WDR49: variants seen among roughly 807,000 people sequenced by gnomAD.
WDR49 encodes WD repeat domain 49.
WDR49 carries 107 observed loss-of-function variants against 119.5 expected under a neutral mutation model. The ratio of observed to expected loss-of-function variants is 0.90; its 90% confidence interval spans 0.77 to 1.05. WDR49 has a LOEUF of 1.05. Among genes scored for constraint, WDR49 ranks in the 50% least tolerant of loss-of-function variants. The pLI, the probability that WDR49 is intolerant of heterozygous loss-of-function variation, is 0.00. For synonymous variants in WDR49, 425 were observed against 418.8 expected (o/e 1.01, Z -0.18); for missense variants, 1,240 against 1,220.5 (o/e 1.02, Z -0.24).
chr3:167,568,249 T>A (rs996163801), intron 8 of WDR49, among the ~76,000 whole-genome samples: 4 of 152,240 alleles, frequency 2.6e-5, no homozygotes, highest in African/African-American at 9.6e-5. Flanking sequence ...CCTCCTGTTA[T>A]TTTGGTATTT....
At chr3:167,489,088 T>TA (rs1483315542) in intron 18 of WDR49, among the ~76,000 whole-genome samples, 1 of 152,080 alleles carries the variant, frequency 6.6e-6, no homozygotes. Flanking sequence ...TCTCCAAACT[T>TA]ATCATCTTTA....
intron 5 of WDR49, among the ~76,000 whole-genome samples, chr3:167,610,644 C>T (rs1716296677): frequency 6.6e-6 from 1 of 152,230 alleles, no homozygotes; most frequent in East Asian, 1.9e-4. Context: ...ACAGGCCTGG[C>T]TGGATTTGCC....
At chr3:167,513,288 G>A (rs1468931523) in intron 16 of WDR49, among the ~76,000 whole-genome samples, 1 of 152,104 alleles carries the variant, frequency 6.6e-6, no homozygotes, top group African/African-American at 2.4e-5. Context: ...AAGAGATTGG[G>A]GGGAGGGGGC....
intron 7 of WDR49, among the ~76,000 whole-genome samples, chr3:167,580,376 C>T (rs1253346767): frequency 6.6e-6 from 1 of 152,124 alleles, no homozygotes; most frequent in African/African-American, 2.4e-5. Context: ...ATTTTCCCTG[C>T]CAGTGGTTCT....
intron 7 of WDR49, among the ~76,000 whole-genome samples, chr3:167,587,574 C>T (rs1714884771): frequency 6.6e-6 from 1 of 152,178 alleles, no homozygotes; most frequent in Admixed American, 6.5e-5. Flanking sequence ...CAGCCTCAGC[C>T]TACCAGGCTT....
chr3:167,630,363 A>G (rs922246563), intron 2 of WDR49, among the ~76,000 whole-genome samples: 1 of 152,136 alleles, frequency 6.6e-6, no homozygotes, highest in South Asian at 2.1e-4. Flanking sequence ...GATATGTGCT[A>G]TTGGACATTT....
intron 18 of WDR49, among the ~76,000 whole-genome samples, chr3:167,494,241 G>C (rs1383912466): frequency 6.6e-6 from 1 of 152,158 alleles, no homozygotes; most frequent in Non-Finnish European, 1.5e-5. Context: ...AGAAGGCGAA[G>C]TGATGATTCA....
intron 8 of WDR49, among the ~76,000 whole-genome samples, chr3:167,564,738 A>G (rs1034549916): frequency 6.6e-6 from 1 of 152,184 alleles, no homozygotes; most frequent in African/African-American, 2.4e-5. Flanking sequence ...ATAACTGTTT[A>G]GGAATATGTG....
intron 10 of WDR49, among the ~76,000 whole-genome samples, chr3:167,540,899 T>C (rs1042225651): frequency 6.6e-6 from 1 of 151,748 alleles, no homozygotes; most frequent in African/African-American, 2.4e-5. Context: ...CTTAAAGATA[T>C]AGAAAATGCA....
rs367641178 is a variant in WDR49 at position 167,598,089 on chromosome 3, G to A, written c.1275+4038C>T. 4.6e-5 allele frequency among the ~76,000 whole-genome samples: 7 copies of A among 152,102 alleles called. No individual in the cohort carries two copies. The East Asian group carries it at 5.8e-4, about 13-fold the overall frequency. On this transcript the variant is annotated intron_variant, in intron 7 of 18. Transcript: ENST00000682715. The stretch of plus-strand genomic sequence containing the variant: ...TGGGAGGCTGAGGTGGGCAGATCAC[G>A]AGGACAGGAGATCGAGACCATCTTG...
At chr3:167,652,889 T>G (rs1458234482) in intron 2 of WDR49, among the ~76,000 whole-genome samples, 3 of 152,176 alleles carry the variant, frequency 2.0e-5, no homozygotes, top group African/African-American at 7.2e-5. Context: ...CCGTATTAAA[T>G]GCAAGAACAA....
chr3:167,562,550 C>T (rs1322389865), intron 8 of WDR49, among the ~76,000 whole-genome samples: 1 of 152,162 alleles, frequency 6.6e-6, no homozygotes, highest in African/African-American at 2.4e-5. Context: ...TATTGAATTA[C>T]CATTGTGAAA....
chr3:167,620,733 T>C, intron 4 of WDR49, 130 bp from the exon 5 acceptor site: 1 of 894,946 alleles, frequency 1.1e-6, no homozygotes, highest in Middle Eastern at 2.3e-4. Context: ...ATTTAAAGGA[T>C]GCAGGGTGTT....
At chr3:167,649,797 T>C (rs1350040551) in intron 2 of WDR49, among the ~76,000 whole-genome samples, 1 of 152,200 alleles carries the variant, frequency 6.6e-6, no homozygotes, top group African/African-American at 2.4e-5. Flanking sequence ...CTTCTAGGTA[T>C]AGTTAAAGCT....
At chr3:167,575,132 C>A (rs975246327) in intron 8 of WDR49, 5 of 985,340 alleles carry the variant, frequency 5.1e-6, no homozygotes, top group East Asian at 1.1e-4. Context: ...AGACTTGCTT[C>A]TGCTTGGCTC....
At chr3:167,645,247 G>A (rs1718063971) in intron 2 of WDR49, among the ~76,000 whole-genome samples, 1 of 151,964 alleles carries the variant, frequency 6.6e-6, no homozygotes, top group South Asian at 2.1e-4. Context: ...GTTTCGCTCA[G>A]TCACCCAGGC....
intron 16 of WDR49, among the ~76,000 whole-genome samples, chr3:167,508,058 A>G (rs577122687): frequency 2.6e-5 from 4 of 152,298 alleles, no homozygotes; most frequent in Non-Finnish European, 5.9e-5. Context: ...TTTGGCATCA[A>G]TCCTATGAGG....
In WDR49 at chr3:167,555,154, C is replaced by A. The variant is rs556151467; in HGVS notation, c.1675-356G>T. On this transcript the variant is annotated intron_variant, in intron 9 of 18. Transcript: ENST00000682715. ...AAATTTCAGCCCCACCCTGAAACCC[C>A]TAGGGAGCAGAGAGAAGTTTAAAGT... Among the ~76,000 whole-genome samples the A allele has an allele frequency of 2.0e-5, 3 of 152,182 alleles. No individual in the cohort carries two copies. The South Asian group carries it at 6.2e-4, about 32-fold the overall frequency.
At chr3:167,540,614 G>C (rs1353930367) in intron 10 of WDR49, among the ~76,000 whole-genome samples, 2 of 152,060 alleles carry the variant, frequency 1.3e-5, no homozygotes, top group Admixed American at 6.6e-5. Flanking sequence ...AATCAGAAAA[G>C]TAATTCTGGT....
Sources: gnomAD v4.1 joint callset for allele counts (sites outside exome capture counted in the v4.1 genomes callset) on GRCh38, gnomAD v4.1.1 for gene constraint, MANE v1.5 for transcripts, NCBI Gene and HGNC (gene_info 2026-07-23, HGNC 2026-07-21) for gene names.